Variants in CNTNAP5 observed in about 807,000 individuals in gnomAD.
The protein encoded by CNTNAP5 is contactin associated protein family member 5, also known as contactin-associated protein-like 5.
CNTNAP5 carries 72 observed loss-of-function variants against 150.2 expected under a neutral mutation model. That is an observed-to-expected ratio of 0.48 (90% CI 0.40 to 0.58). CNTNAP5 has a LOEUF of 0.58. CNTNAP5 is among the 20% of genes least tolerant of loss of function. The pLI, the probability that CNTNAP5 is intolerant of heterozygous loss-of-function variation, is 0.00. For synonymous variants in CNTNAP5, 672 were observed against 619.8 expected (o/e 1.08, Z -1.25); for missense variants, 1,636 against 1,626.2 (o/e 1.01, Z -0.10).
Position 124,407,390 on chromosome 2 carries a change from GTCAGGGGAAAGCT to G in CNTNAP5, c.382-10050_382-10038del, listed in dbSNP as rs561435460. 7.2e-5 allele frequency among the ~76,000 whole-genome samples: 11 copies of G among 152,226 alleles called. No individual in the cohort carries two copies. The South Asian group carries it at 2.1e-3, about 29-fold the overall frequency. The stretch of plus-strand genomic sequence containing the variant: ...ATTTTTTTGAGGGTGGGTTGTAGAG[GTCAGGGGAAAGCT>G]TCCTCTCTTCTTTCTAAAGGTTCAC... On this transcript the variant is annotated intron_variant, in intron 3 of 23. Coordinates refer to ENST00000682447, the MANE Select transcript of CNTNAP5 (RefSeq NM_001367498.1).
chr2:124,112,969 A>G (rs2104707532), intron 1 of CNTNAP5, among the ~76,000 whole-genome samples: 1 of 152,328 alleles, frequency 6.6e-6, no homozygotes, highest in East Asian at 1.9e-4. Context: ...CATACACAAT[A>G]GAAAGAATAC....
chr2:124,893,949 A>G (rs1222723691), intron 21 of CNTNAP5, among the ~76,000 whole-genome samples: 1 of 152,176 alleles, frequency 6.6e-6, no homozygotes, highest in Non-Finnish European at 1.5e-5. Context: ...ATTAGACATC[A>G]GAATATGTAT....
At chr2:124,571,538 T>TCTC (rs1464687282) in intron 11 of CNTNAP5, among the ~76,000 whole-genome samples, 8 of 100,266 alleles carry the variant, frequency 8.0e-5, no homozygotes, top group African/African-American at 1.6e-4. Flanking sequence ...TTTTTTTTTT[T>TCTC]TTTTTTTTTT....
chr2:124,413,337 T>A (rs187667341), intron 3 of CNTNAP5, among the ~76,000 whole-genome samples: 2 of 151,254 alleles, frequency 1.3e-5, no homozygotes, highest in Non-Finnish European at 2.9e-5. Context: ...TCCTCAGGGA[T>A]CTAGAACTAG....
At chr2:124,757,423 A>T (rs1680862606) in intron 14 of CNTNAP5, among the ~76,000 whole-genome samples, 1 of 152,204 alleles carries the variant, frequency 6.6e-6, no homozygotes, top group South Asian at 2.1e-4. Flanking sequence ...AGCACAGTCC[A>T]GAGGCGGCAC....
Position 124,025,308 on chromosome 2 carries a change from C to G in CNTNAP5, c.-343C>G. On this transcript the variant is annotated 5_prime_UTR_variant, in exon 1 of 24. Transcript: ENST00000682447. ...TGCTGATTCCAGCTCTCGCGCCCGA[C>G]GAGGTGGATTTGGCTGTCCACCGAG... 1 of 278,080 alleles carries G rather than the reference C, an allele frequency of 3.6e-6. No individual in the cohort carries two copies. The highest frequency in any genetic ancestry group is 8.0e-5 in the East Asian group (1 of 12,570). 17.2% of individuals were successfully genotyped at this position (278,080 alleles called of 1,614,324 possible).
chr2:124,641,763 G>A (rs10171649), intron 12 of CNTNAP5, among the ~76,000 whole-genome samples: 1 of 152,132 alleles, frequency 6.6e-6, no homozygotes, highest in Non-Finnish European at 1.5e-5. Flanking sequence ...ATTAAGCTGG[G>A]TATTGACAAT....
At chr2:124,219,683 C>T (rs1001151909) in intron 1 of CNTNAP5, among the ~76,000 whole-genome samples, 8 of 152,142 alleles carry the variant, frequency 5.3e-5, no homozygotes, top group Non-Finnish European at 1.2e-4. Flanking sequence ...AACAGGCATA[C>T]GTACATGCAA....
At chr2:124,608,945 GAA>G (rs112250706) in intron 11 of CNTNAP5, among the ~76,000 whole-genome samples, 4 of 121,450 alleles carry the variant, frequency 3.3e-5, no homozygotes, top group African/African-American at 3.1e-5. Flanking sequence ...TCTACCTCAA[GAA>G]AAAAAAAAAA....
chr2:124,211,523 A>ACAC (rs5834048), intron 1 of CNTNAP5, among the ~76,000 whole-genome samples: 5 of 149,788 alleles, frequency 3.3e-5, no homozygotes, highest in Non-Finnish European at 5.9e-5. Context: ...CACACACACA[A>ACAC]ACACACACAC....
intron 21 of CNTNAP5, among the ~76,000 whole-genome samples, chr2:124,897,967 G>A (rs1573696768): frequency 6.6e-6 from 1 of 150,398 alleles, no homozygotes; most frequent in Non-Finnish European, 1.5e-5. Context: ...GTGTGTGTGT[G>A]TGTGTGTGTG....
At chr2:124,241,810 G>T (rs1569273) in intron 2 of CNTNAP5, among the ~76,000 whole-genome samples, 19 of 152,058 alleles carry the variant, frequency 1.2e-4, no homozygotes, top group African/African-American at 4.3e-4. Context: ...AAGAAGGAAC[G>T]ATATATTAGT....
chr2:124,835,135 G>C (rs1198734873), intron 19 of CNTNAP5, among the ~76,000 whole-genome samples: 1 of 152,076 alleles, frequency 6.6e-6, no homozygotes, highest in East Asian at 1.9e-4. Context: ...AAACTACACA[G>C]TTTTAGAATT....
intron 1 of CNTNAP5, among the ~76,000 whole-genome samples, chr2:124,216,325 T>C (rs1234204858): frequency 6.6e-6 from 1 of 152,104 alleles, no homozygotes; most frequent in African/African-American, 2.4e-5. Context: ...TGAAAAAGGA[T>C]TTGCATTTTA....
At chr2:124,398,008 G>C (rs1691300903) in intron 3 of CNTNAP5, among the ~76,000 whole-genome samples, 1 of 152,144 alleles carries the variant, frequency 6.6e-6, no homozygotes, top group Non-Finnish European at 1.5e-5. Context: ...CATTTTTTGT[G>C]CTTCATAATA....
intron 1 of CNTNAP5, among the ~76,000 whole-genome samples, chr2:124,192,964 C>T (rs1289758574): frequency 6.6e-6 from 1 of 152,174 alleles, no homozygotes; most frequent in Non-Finnish European, 1.5e-5. Context: ...CCTCTGAAGC[C>T]TCTGAGAGAG....
At chr2:124,486,035 G>GA (rs2104844784) in intron 7 of CNTNAP5, among the ~76,000 whole-genome samples, 1 of 152,144 alleles carries the variant, frequency 6.6e-6, no homozygotes, top group East Asian at 1.9e-4. Flanking sequence ...ATGCACAATT[G>GA]AAAAAATATA....
chr2:124,568,100 C>G (rs1242500542), intron 11 of CNTNAP5, among the ~76,000 whole-genome samples: 1 of 152,172 alleles, frequency 6.6e-6, no homozygotes, highest in Non-Finnish European at 1.5e-5. Context: ...TTCAAACAAG[C>G]AAGGCATTTG....
At chr2:124,157,269 G>A (rs367682625) in intron 1 of CNTNAP5, among the ~76,000 whole-genome samples, 7 of 152,158 alleles carry the variant, frequency 4.6e-5, no homozygotes, top group African/African-American at 1.2e-4. Flanking sequence ...CCAGTGCCTC[G>A]TTGGAAAACA....
Sources: gnomAD v4.1 joint callset for allele counts (sites outside exome capture counted in the v4.1 genomes callset) on GRCh38, gnomAD v4.1.1 for gene constraint, MANE v1.5 for transcripts, NCBI Gene and HGNC (gene_info 2026-07-23, HGNC 2026-07-21) for gene names.